The following ADGRB3 variants were observed in gnomAD, a reference collection of about 807,000 sequenced individuals.
ADGRB3 encodes brain-specific angiogenesis inhibitor 3.
In ADGRB3, 37 loss-of-function variants were observed where a neutral mutation model predicts 193.4. That is an observed-to-expected ratio of 0.19 (90% CI 0.15 to 0.25). The LOEUF (loss-of-function observed/expected upper bound fraction) is 0.25. Ranked by LOEUF, ADGRB3 falls within the 10% of genes least tolerant of loss-of-function variation. The probability of loss-of-function intolerance (pLI) is 1.00; values close to 1 mark genes in which losing one functional copy is unlikely to be tolerated. For missense variants in ADGRB3, 1,637 were observed against 1,852.9 expected, an observed-to-expected ratio of 0.88 and a Z score of 2.14; for synonymous variants, 690 against 644.2, an observed-to-expected ratio of 1.07 and a Z score of -1.08.
intron 3 of ADGRB3, among the ~76,000 whole-genome samples, chr6:68,892,185 G>A (rs1003829005): frequency 1.3e-5 from 2 of 148,754 alleles, no homozygotes; most frequent in African/African-American, 4.9e-5. Flanking sequence ...GCCATCAAGT[G>A]TCATCTCTAA....
chr6:69,293,548 G>A (rs1767739788), intron 20 of ADGRB3, among the ~76,000 whole-genome samples: 1 of 152,134 alleles, frequency 6.6e-6, no homozygotes, highest in African/African-American at 2.4e-5. Context: ...TCAGACTCAG[G>A]TTTCAGGCTT....
chr6:69,324,247 G>T (rs1768520947), intron 20 of ADGRB3, among the ~76,000 whole-genome samples: 1 of 151,980 alleles, frequency 6.6e-6, no homozygotes, highest in Non-Finnish European at 1.5e-5. Flanking sequence ...TACTTGATGA[G>T]GACACACATT....
At chr6:69,233,091 T>A in intron 17 of ADGRB3, 199 bp from the exon 18 acceptor site, 1 of 721,630 alleles carries the variant, frequency 1.4e-6, no homozygotes, top group Non-Finnish European at 2.2e-6. Context: ...CACCGCCGCC[T>A]GCTTGCTTTT....
At chr6:69,107,121 C>T (rs1773237680) in intron 17 of ADGRB3, among the ~76,000 whole-genome samples, 1 of 152,092 alleles carries the variant, frequency 6.6e-6, no homozygotes, top group Non-Finnish European at 1.5e-5. Context: ...TCTTTCTAAC[C>T]AGCAAAACAA....
intron 17 of ADGRB3, among the ~76,000 whole-genome samples, chr6:69,192,660 C>T (rs1765217476): frequency 6.6e-6 from 1 of 152,100 alleles, no homozygotes. Flanking sequence ...TCAAAGTAGA[C>T]CAAACTGGGT....
intron 17 of ADGRB3, among the ~76,000 whole-genome samples, chr6:69,149,387 C>CT (rs1488616406): frequency 2.6e-5 from 4 of 151,818 alleles, no homozygotes; most frequent in Non-Finnish European, 5.9e-5. Context: ...CTGCTTGATT[C>CT]TTTTTAATTA....
intron 3 of ADGRB3, among the ~76,000 whole-genome samples, chr6:68,651,324 C>T (rs1176785823): frequency 6.6e-6 from 1 of 152,154 alleles, no homozygotes; most frequent in East Asian, 1.9e-4. Flanking sequence ...GGAGCAGCAT[C>T]ATTTCACTTC....
chr6:69,181,991 A>G (rs1242432036), intron 17 of ADGRB3, among the ~76,000 whole-genome samples: 2 of 152,176 alleles, frequency 1.3e-5, no homozygotes, highest in African/African-American at 4.8e-5. Flanking sequence ...CAATGAGAGG[A>G]CCTTTATGAC....
chr6:69,233,059 C>G, intron 17 of ADGRB3: 1 of 561,520 alleles, frequency 1.8e-6, no homozygotes, highest in East Asian at 3.5e-5. Context: ...ACCTCCGGCG[C>G]TGGACAGCTC....
At chr6:69,047,493 C>T (rs1771271869) in intron 13 of ADGRB3, among the ~76,000 whole-genome samples, 1 of 151,038 alleles carries the variant, frequency 6.6e-6, no homozygotes, top group Non-Finnish European at 1.5e-5. Context: ...GTATTAAGGA[C>T]ACAATTCTCT....
chr6:68,915,557 GC>G (rs1766855758), intron 3 of ADGRB3, among the ~76,000 whole-genome samples: 1 of 152,130 alleles, frequency 6.6e-6, no homozygotes, highest in Non-Finnish European at 1.5e-5. Flanking sequence ...GCTCTAAATG[GC>G]TAAGAATTGG....
chr6:69,170,580 T>C (rs188418834), intron 17 of ADGRB3, among the ~76,000 whole-genome samples: 1 of 152,214 alleles, frequency 6.6e-6, no homozygotes, highest in East Asian at 1.9e-4. Flanking sequence ...AACCACCACA[T>C]TTCCCCAGAA....
At chr6:68,880,235 A>T (rs933294395) in intron 3 of ADGRB3, among the ~76,000 whole-genome samples, 8 of 152,164 alleles carry the variant, frequency 5.3e-5, no homozygotes, top group African/African-American at 1.7e-4. Flanking sequence ...GGTGAATCAG[A>T]ATTACAGTCT....
chr6:69,064,409 A>G (rs989282843), intron 16 of ADGRB3, among the ~76,000 whole-genome samples: 1 of 151,808 alleles, frequency 6.6e-6, no homozygotes, highest in Admixed American at 6.6e-5. Context: ...TGCTTTTGTC[A>G]AAATGTGACC....
chr6:68,791,298 A>G (rs1444363600), intron 3 of ADGRB3, among the ~76,000 whole-genome samples: 2 of 152,198 alleles, frequency 1.3e-5, no homozygotes, highest in African/African-American at 2.4e-5. Context: ...ATTCATGACC[A>G]TGCAAGTGAA....
chr6:69,126,232 C>CACAT (rs780448849), intron 17 of ADGRB3, among the ~76,000 whole-genome samples: 12,836 of 138,338 alleles, frequency 0.093, 586 homozygotes, highest in East Asian at 0.18. Context: ...AATAGATACA[C>CACAT]ACATACATAC....
intron 20 of ADGRB3, among the ~76,000 whole-genome samples, chr6:69,304,073 T>C (rs1768009591): frequency 6.6e-6 from 1 of 151,770 alleles, no homozygotes; most frequent in Admixed American, 6.6e-5. Context: ...AGCAAAAATT[T>C]CAACCAAAAT....
chr6:69,267,483 A>G (rs538741429), intron 20 of ADGRB3, among the ~76,000 whole-genome samples: 18 of 152,270 alleles, frequency 1.2e-4, no homozygotes, highest in Non-Finnish European at 2.2e-4. Context: ...GTCTGTTAAA[A>G]TCTGTGCTTC....
chr6:68,901,401 T>G (rs1766390370), intron 3 of ADGRB3, among the ~76,000 whole-genome samples: 1 of 152,096 alleles, frequency 6.6e-6, no homozygotes, highest in Non-Finnish European at 1.5e-5. Flanking sequence ...AACATTCAAG[T>G]CAGAAGAATC....
Sources: gnomAD v4.1 joint callset for allele counts (sites outside exome capture counted in the v4.1 genomes callset) on GRCh38, gnomAD v4.1.1 for gene constraint, MANE v1.5 for transcripts, NCBI Gene and HGNC (gene_info 2026-07-23, HGNC 2026-07-21) for gene names.